Variants in VAV2 observed in about 807,000 individuals in gnomAD.
VAV2 encodes the protein vav guanine nucleotide exchange factor 2.
A neutral mutation model predicts 132.5 loss-of-function variants in VAV2; 67 were observed. That is an observed-to-expected ratio of 0.51 (90% CI 0.42 to 0.62). The LOEUF (loss-of-function observed/expected upper bound fraction) is 0.62. Ranked by LOEUF, VAV2 falls within the 20% of genes least tolerant of loss-of-function variation. The pLI, the probability that VAV2 is intolerant of heterozygous loss-of-function variation, is 0.00. For synonymous variants in VAV2, 492 were observed against 443.5 expected (o/e 1.11, Z -1.37); for missense variants, 938 against 1,153.6 (o/e 0.81, Z 2.71).
intron 9 of VAV2, among the ~76,000 whole-genome samples, chr9:133,805,612 C>A (rs1835102981): frequency 1.3e-5 from 2 of 152,170 alleles, no homozygotes; most frequent in South Asian, 2.1e-4. Context: ...ACCTCCCCAG[C>A]CTCCGGCAGC....
intron 2 of VAV2, among the ~76,000 whole-genome samples, chr9:133,876,227 A>G (rs10739995): frequency 0.23 from 34,296 of 152,248 alleles, 5,172 homozygotes; most frequent in African/African-American, 0.44. Flanking sequence ...ATATGCTATC[A>G]GCGCTGCTGT....
intron 1 of VAV2, among the ~76,000 whole-genome samples, chr9:133,971,038 A>C (rs1842315575): frequency 6.6e-6 from 1 of 152,182 alleles, no homozygotes; most frequent in African/African-American, 2.4e-5. Context: ...TACAGGTGCA[A>C]GTCACAGTAT....
chr9:133,982,015 T>C (rs1389367276), intron 1 of VAV2, among the ~76,000 whole-genome samples: 1 of 152,188 alleles, frequency 6.6e-6, no homozygotes, highest in Non-Finnish European at 1.5e-5. Flanking sequence ...GAACAGTAAA[T>C]GCAACAAACT....
At position 133,797,751 on chromosome 9, in the gene VAV2, G is replaced by A. The variant is rs1462841236; in HGVS notation, c.895C>T (p.Gln299Ter). 1.2e-6 allele frequency: 2 copies of A among 1,614,040 alleles called. No individual in the cohort carries two copies. The highest frequency in any genetic ancestry group is 1.7e-6 in the Non-Finnish European group (2 of 1,179,972). Residue 299 changes from glutamine (Q) to a stop codon, truncating the protein, a stop_gained, in exon 10 of 30, where the codon CAG becomes TAG. Coordinates refer to ENST00000371850, the MANE Select transcript of VAV2 (RefSeq NM_001134398.2). LOFTEE classifies it high-confidence loss of function. ...AAGTCCTCCCGGCTGGCCAGGAGCT[G>A]GTTCAGTGTGTTCTGGGCGTGCTCC... ...HMEHAQNTLN[Q>*]LLASREDFRQ...
chr9:133,870,868 AGGTGGGTG>A (rs1382092079), intron 2 of VAV2, among the ~76,000 whole-genome samples: 1 of 81,992 alleles, frequency 1.2e-5, no homozygotes. Context: ...ATAAGTGGGT[AGGTGGGTG>A]GGTGGATGGA....
chr9:133,832,741 T>C (rs1836312209), intron 4 of VAV2, among the ~76,000 whole-genome samples: 1 of 152,172 alleles, frequency 6.6e-6, no homozygotes, highest in Non-Finnish European at 1.5e-5. Context: ...GTATTTTTAG[T>C]AGAGACAGGG....
chr9:133,932,862 TG>T (rs1482313842), intron 2 of VAV2, among the ~76,000 whole-genome samples: 4 of 152,234 alleles, frequency 2.6e-5, no homozygotes, highest in African/African-American at 9.6e-5. Flanking sequence ...TCCATCTGCC[TG>T]CTGCCCAGGT....
chr9:133,787,340 T>TG, intron 15 of VAV2, 80 bp from the exon 16 acceptor site: 2 of 1,423,350 alleles, frequency 1.4e-6, no homozygotes, highest in Non-Finnish European at 1.9e-6. Flanking sequence ...TGCCGCAGTG[T>TG]GGAGGCGCCA....
rs960364800 is a variant in VAV2, at chr9:133,763,715, C to T, written c.*347G>A. 7 of 325,120 alleles carry T rather than the reference C, an allele frequency of 2.2e-5. No individual in the cohort carries two copies. Among genetic ancestry groups the T allele is most frequent in the African/African-American group, 1.5e-4 (7 of 46,532 alleles). The allele number at this position is 325,120 out of a possible 1,614,324, so 20.1% of individuals were successfully genotyped here. A position where few individuals can be genotyped will look rare whatever the true frequency, so the allele number is the denominator to read the frequency against. ...AGCATCTGCTGTTCAAACCTAGGCT[C>T]CTGAAGGCCATCTCAGTTGGACAGG... is the stretch of plus-strand genomic sequence containing the variant. On this transcript the variant is annotated 3_prime_UTR_variant, in exon 30 of 30. Transcript: ENST00000371850. The surrounding 1 kb of genome is among the most constrained non-coding windows in gnomAD (Gnocchi z 6.8).
chr9:133,905,523 C>T (rs958169071), intron 2 of VAV2, among the ~76,000 whole-genome samples: 4 of 152,074 alleles, frequency 2.6e-5, no homozygotes, highest in African/African-American at 7.2e-5. Flanking sequence ...ATCCTGAGCC[C>T]AACATGCCCA....
In VAV2 at chr9:133,763,854, A is replaced by G; in HGVS notation, c.*208T>C. ...CTAGCCCAGGTTTCCTCTATGTACA[A>G]TAGCATACCCAGTGATGGGTCGCCG... On this transcript the variant is annotated 3_prime_UTR_variant, in exon 30 of 30. Transcript: ENST00000371850. This position sits in a 1 kb window ranked among gnomAD's most constrained non-coding sequence, Gnocchi z 6.8. 1.6e-6 allele frequency: 1 copy of G among 618,980 alleles called. No individual in the cohort carries two copies. Among genetic ancestry groups the G allele is most frequent in the East Asian group, 2.9e-5 (1 of 34,750 alleles). 38.3% of individuals were successfully genotyped at this position (618,980 alleles called of 1,614,324 possible). A position where few individuals can be genotyped will look rare whatever the true frequency, so the allele number is the denominator to read the frequency against.
At chr9:133,792,601 T>C (rs1358094779) in intron 12 of VAV2, among the ~76,000 whole-genome samples, 1 of 150,938 alleles carries the variant, frequency 6.6e-6, no homozygotes, top group African/African-American at 2.4e-5. Context: ...GTGAGCAAGC[T>C]GTGCTGTGCA....
intron 1 of VAV2, among the ~76,000 whole-genome samples, chr9:133,944,763 C>T (rs2132156453): frequency 6.6e-6 from 1 of 152,364 alleles, no homozygotes; most frequent in Middle Eastern, 3.4e-3. Flanking sequence ...AAGGCAGGTG[C>T]CACACTGTCT....
At position 133,964,025 on chromosome 9, in the gene VAV2, A is replaced by ATT. The variant is rs200202871; in HGVS notation, c.205-24807_205-24806insAA. 2.3e-4 allele frequency among the ~76,000 whole-genome samples: 10 copies of ATT among 42,678 alleles called. 2 individuals carry two copies. The South Asian group carries it at 9.5e-3, about 41-fold the overall frequency. 28.0% of individuals were successfully genotyped at this position (42,678 alleles called of 152,430 possible). A position where few individuals can be genotyped will look rare whatever the true frequency, so the allele number is the denominator to read the frequency against. On this transcript the variant is annotated intron_variant, in intron 1 of 29. Coordinates refer to ENST00000371850, the MANE Select transcript of VAV2 (RefSeq NM_001134398.2). ...ACTTTAAAAAAAATTATTCATTCAT[A>ATT]TATATATATATATATATATATATAC...
chr9:133,778,828 C>T lies in VAV2; in HGVS notation c.1824G>A (p.Val608=). 1 of 1,613,154 alleles carries T rather than the reference C, an allele frequency of 6.2e-7. No homozygotes were observed. Among genetic ancestry groups the T allele is most frequent in the Non-Finnish European group, 8.5e-7 (1 of 1,180,014 alleles). The change falls in exon 22 of 30, where the codon GTG becomes GTA. Residue 608 remains valine (V), a synonymous_variant. Transcript: ENST00000371850. ...GCACGTCGCCCGTCTGGAAGGTCAGCACAGGCTTCCCGGGAGGGGCTGGGT... is the reference window on the plus strand; with the variant it reads ...GCACGTCGCCCGTCTGGAAGGTCAGTACAGGCTTCCCGGGAGGGGCTGGGT... The part of the protein sequence containing the change: ...HGNPAPPGKP[V]LTFQTGDVLE...
chr9:133,946,057 T>C (rs913655603), intron 1 of VAV2, among the ~76,000 whole-genome samples: 5 of 152,190 alleles, frequency 3.3e-5, no homozygotes, highest in East Asian at 1.9e-4. Context: ...CCCTGAGACA[T>C]TGGTCACTGG....
chr9:133,909,139 G>A (rs909289033), intron 2 of VAV2, among the ~76,000 whole-genome samples: 4 of 152,230 alleles, frequency 2.6e-5, no homozygotes, highest in African/African-American at 9.6e-5. Flanking sequence ...CAGCCTGGCA[G>A]AGGAAGCATT....
chr9:133,807,022 G>A (rs1835175182), intron 8 of VAV2, among the ~76,000 whole-genome samples: 5 of 152,220 alleles, frequency 3.3e-5, no homozygotes, highest in Admixed American at 2.6e-4. Flanking sequence ...CTCCAGCCAC[G>A]CACGTCAGTG....
chr9:133,806,276 C>A, intron 8 of VAV2, 95 bp from the exon 9 acceptor site: 2 of 1,253,884 alleles, frequency 1.6e-6, no homozygotes, highest in Non-Finnish European at 1.1e-6. Context: ...CTGTAGTTCC[C>A]TCAAGGAGGG....
Sources: gnomAD v4.1 joint callset for allele counts (sites outside exome capture counted in the v4.1 genomes callset) on GRCh38, gnomAD v4.1.1 for gene constraint, Gnocchi (gnomAD v3.1) non-coding constraint, MANE v1.5 for transcripts, NCBI Gene and HGNC (gene_info 2026-07-23, HGNC 2026-07-21) for gene names.